The following LRRC4C variants were observed in gnomAD, a reference collection of about 807,000 sequenced individuals.
LRRC4C encodes the protein leucine rich repeat containing 4C, also known as leucine-rich repeat-containing protein 4C.
Under a neutral mutation model 33.6 loss-of-function variants are expected in LRRC4C, and 5 were observed. That is an observed-to-expected ratio of 0.15 (90% CI 0.08 to 0.31). The LOEUF is 0.31. LRRC4C is among the 10% of genes least tolerant of loss of function. LRRC4C has a pLI of 1.00. For missense variants in LRRC4C, 560 were observed against 796.7 expected, an observed-to-expected ratio of 0.70 and a Z score of 3.58; for synonymous variants, 329 against 302.0, an observed-to-expected ratio of 1.09 and a Z score of -0.93.
intron 3 of LRRC4C, among the ~76,000 whole-genome samples, chr11:40,533,231 CAA>C (rs1464303989): frequency 6.6e-6 from 1 of 152,078 alleles, no homozygotes; most frequent in Non-Finnish European, 1.5e-5. Flanking sequence ...AATTGATTAA[CAA>C]ATAAAAATAT....
At chr11:41,072,519 T>C (rs755654495) in intron 1 of LRRC4C, among the ~76,000 whole-genome samples, 37 of 152,144 alleles carry the variant, frequency 2.4e-4, no homozygotes, top group Non-Finnish European at 3.7e-4. Context: ...TTACCTCCTG[T>C]TGCCATGTGA....
chr11:40,136,058 C>T (rs771834781), intron 6 of LRRC4C, among the ~76,000 whole-genome samples: 3 of 152,172 alleles, frequency 2.0e-5, no homozygotes, highest in Non-Finnish European at 4.4e-5. Flanking sequence ...TAGGCAAAAT[C>T]GGGCTCACCA....
At chr11:41,344,794 G>A (rs1951751808) in intron 1 of LRRC4C, among the ~76,000 whole-genome samples, 1 of 152,116 alleles carries the variant, frequency 6.6e-6, no homozygotes, top group Non-Finnish European at 1.5e-5. Flanking sequence ...ATAAATACTG[G>A]CTATTTAATC....
chr11:41,224,433 G>A (rs72892698), intron 1 of LRRC4C, among the ~76,000 whole-genome samples: 13,596 of 152,174 alleles, frequency 0.089, 815 homozygotes, highest in Non-Finnish European at 0.13. Context: ...CAGTTTTAGG[G>A]TGATAATATT....
intron 1 of LRRC4C, among the ~76,000 whole-genome samples, chr11:40,957,045 G>T (rs190023052): frequency 1.4e-3 from 206 of 151,834 alleles, no homozygotes; most frequent in African/African-American, 4.5e-3. Context: ...CTTTGTCCCA[G>T]GAGAGAAAAC....
At chr11:40,240,250 A>G (rs1486734607) in intron 5 of LRRC4C, among the ~76,000 whole-genome samples, 1 of 152,222 alleles carries the variant, frequency 6.6e-6, no homozygotes, top group Non-Finnish European at 1.5e-5. Context: ...AGTGTATAGA[A>G]TGTATACCTT....
At chr11:40,661,074 GA>G (rs1215714384) in intron 2 of LRRC4C, among the ~76,000 whole-genome samples, 1 of 151,970 alleles carries the variant, frequency 6.6e-6, no homozygotes, top group Non-Finnish European at 1.5e-5. Context: ...ATACAATAAC[GA>G]ATTGAATTAT....
At chr11:41,355,350 C>T (rs1952123241) in intron 1 of LRRC4C, among the ~76,000 whole-genome samples, 1 of 152,050 alleles carries the variant, frequency 6.6e-6, no homozygotes, top group Non-Finnish European at 1.5e-5. Flanking sequence ...ATTTTATCCA[C>T]CAAAATTACT....
chr11:41,368,257 A>G (rs1952616666), intron 1 of LRRC4C, among the ~76,000 whole-genome samples: 2 of 152,062 alleles, frequency 1.3e-5, no homozygotes, highest in Admixed American at 6.6e-5. Flanking sequence ...AGATACACCC[A>G]TTATTCTTTC....
chr11:40,707,245 A>G (rs1946214671), intron 2 of LRRC4C, among the ~76,000 whole-genome samples: 2 of 152,246 alleles, frequency 1.3e-5, no homozygotes, highest in South Asian at 4.1e-4. Context: ...TTCCAACCCT[A>G]TGTTGAATAG....
intron 3 of LRRC4C, among the ~76,000 whole-genome samples, chr11:40,322,708 C>A (rs1945913143): frequency 6.6e-6 from 1 of 152,134 alleles, no homozygotes; most frequent in African/African-American, 2.4e-5. Flanking sequence ...TTCTATGGGT[C>A]ACTATCCTAA....
At chr11:41,326,651 A>G (rs890503920) in intron 1 of LRRC4C, among the ~76,000 whole-genome samples, 2 of 152,164 alleles carry the variant, frequency 1.3e-5, no homozygotes, top group Non-Finnish European at 2.9e-5. Flanking sequence ...TGTTTTTCCA[A>G]ACAAAATTGG....
At chr11:41,259,516 C>T (rs1337289540) in intron 1 of LRRC4C, among the ~76,000 whole-genome samples, 2 of 151,902 alleles carry the variant, frequency 1.3e-5, no homozygotes, top group Non-Finnish European at 2.9e-5. Flanking sequence ...TCTTTCTAAG[C>T]TCTGCGTATT....
intron 1 of LRRC4C, among the ~76,000 whole-genome samples, chr11:41,112,316 C>T (rs1387201141): frequency 6.6e-6 from 1 of 152,054 alleles, no homozygotes; most frequent in Non-Finnish European, 1.5e-5. Flanking sequence ...AGAGCAGACA[C>T]TTCGGCAGAA....
chr11:40,452,065 C>T (rs1369102811), intron 3 of LRRC4C, among the ~76,000 whole-genome samples: 2 of 152,096 alleles, frequency 1.3e-5, no homozygotes, highest in Non-Finnish European at 2.9e-5. Flanking sequence ...CGGTGACAGA[C>T]AGCACCTGGA....
At chr11:41,295,410 C>T (rs1950110217) in intron 1 of LRRC4C, among the ~76,000 whole-genome samples, 1 of 152,112 alleles carries the variant, frequency 6.6e-6, no homozygotes, top group Non-Finnish European at 1.5e-5. Context: ...AACTCCTATT[C>T]ATGAAGACAA....
chr11:40,122,483 C>A (rs1212772283), intron 6 of LRRC4C, among the ~76,000 whole-genome samples: 3 of 152,146 alleles, frequency 2.0e-5, no homozygotes, highest in African/African-American at 7.2e-5. Context: ...GTTCAGCTCC[C>A]ACTTATAAGA....
intron 1 of LRRC4C, among the ~76,000 whole-genome samples, chr11:41,232,935 G>T (rs1015726538): frequency 1.3e-5 from 2 of 152,032 alleles, no homozygotes; most frequent in African/African-American, 4.8e-5. Flanking sequence ...TTCATTGAAT[G>T]AACTCATGTT....
chr11:40,325,096 C>G (rs2861833), intron 3 of LRRC4C, among the ~76,000 whole-genome samples: 148,249 of 152,232 alleles, frequency 0.97, 72,316 homozygotes, highest in Middle Eastern at 1. Flanking sequence ...GGCAATGGAA[C>G]GACTAGTTGA....
Sources: allele counts gnomAD v4.1 joint callset (sites outside exome capture counted in the v4.1 genomes callset), GRCh38; gene constraint gnomAD v4.1.1; transcripts MANE v1.5; gene names NCBI Gene and HGNC (gene_info 2026-07-23, HGNC 2026-07-21).